Variants in PACRG observed in about 807,000 individuals in gnomAD.
The protein encoded by PACRG is parkin coregulated gene protein.
PACRG carries 29 observed loss-of-function variants against 29.7 expected under a neutral mutation model. That is an observed-to-expected ratio of 0.98 (90% CI 0.73 to 1.33). The LOEUF (loss-of-function observed/expected upper bound fraction) is 1.33. PACRG is among the 40% of genes most tolerant of loss of function. The pLI is 0.00. For synonymous variants in PACRG, 116 were observed against 118.7 expected (o/e 0.98, Z 0.15); for missense variants, 279 against 316.2 (o/e 0.88, Z 0.89).
At chr6:163,029,768 C>T (rs187874916) in intron 2 of PACRG, among the ~76,000 whole-genome samples, 48 of 152,268 alleles carry the variant, frequency 3.2e-4, no homozygotes, top group Middle Eastern at 3.4e-3. Context: ...GGGAATGTCT[C>T]GGAGCAGAGG....
intron 2 of PACRG, among the ~76,000 whole-genome samples, chr6:163,003,950 T>C (rs1804806722): frequency 6.6e-6 from 1 of 152,200 alleles, no homozygotes; most frequent in Admixed American, 6.5e-5. Context: ...CTATGCATGC[T>C]CTTTCCACTT....
At chr6:163,103,867 G>T (rs991904373) in intron 4 of PACRG, among the ~76,000 whole-genome samples, 2 of 152,166 alleles carry the variant, frequency 1.3e-5, no homozygotes, top group Non-Finnish European at 2.9e-5. Flanking sequence ...CTGAGCATTG[G>T]ATCAAATGAC....
chr6:162,957,448 G>A, intron 2 of PACRG: 1 of 505,250 alleles, frequency 2.0e-6, no homozygotes, highest in Non-Finnish European at 3.8e-6. Flanking sequence ...CACACCACAT[G>A]CAGAGTTTTG....
chr6:162,843,002 C>T (rs878871828), intron 2 of PACRG, among the ~76,000 whole-genome samples: 3 of 135,520 alleles, frequency 2.2e-5, no homozygotes, highest in African/African-American at 2.8e-5. Flanking sequence ...GAGGGTAACC[C>T]GACCTTTCTC....
chr6:162,877,543 C>T (rs532256300), intron 2 of PACRG, among the ~76,000 whole-genome samples: 1 of 150,992 alleles, frequency 6.6e-6, no homozygotes, highest in South Asian at 2.1e-4. Flanking sequence ...ATGTAACAAA[C>T]CTGCACGTTC....
In PACRG at chr6:162,963,844, C is replaced by A. The variant is rs184788193; in HGVS notation, c.292-98306C>A. On this transcript the variant is annotated intron_variant, in intron 2 of 4. Coordinates refer to ENST00000366888, the MANE Select transcript of PACRG (RefSeq NM_001080379.2). Reference sequence around the variant, plus strand: ...CCATTTTTATTTTGCTATTCTATTTCATTGCAATTGCAATATATCAGTTAG... The same window carrying A: ...CCATTTTTATTTTGCTATTCTATTTAATTGCAATTGCAATATATCAGTTAG... Among the ~76,000 whole-genome samples the A allele has an allele frequency of 1.1e-4, 16 of 152,122 alleles. No homozygotes were observed. In the East Asian group the frequency reaches 3.1e-3, roughly 29 times the overall value.
chr6:163,144,773 GA>G (rs199800335), intron 4 of PACRG, among the ~76,000 whole-genome samples: 2,138 of 150,832 alleles, frequency 0.014, 50 homozygotes, highest in Middle Eastern at 0.061. Context: ...TCTCTCAAAA[GA>G]AAAAAAAAGT....
intron 2 of PACRG, among the ~76,000 whole-genome samples, chr6:162,949,348 G>A (rs546054815): frequency 6.6e-6 from 1 of 152,278 alleles, no homozygotes; most frequent in Admixed American, 6.5e-5. Context: ...ACCAGAGACT[G>A]GGAAGGATGT....
intron 2 of PACRG, among the ~76,000 whole-genome samples, chr6:162,872,402 T>G (rs1792901483): frequency 6.6e-6 from 1 of 152,214 alleles, no homozygotes; most frequent in Admixed American, 6.5e-5. Context: ...AATGCTGTAT[T>G]ATAAACTTAC....
Position 163,248,895 on chromosome 6 carries a change from T to C in PACRG, c.614-65932T>C, listed in dbSNP as rs554052035. Among the ~76,000 whole-genome samples, 7 of 151,670 alleles carry C rather than the reference T, an allele frequency of 4.6e-5. No homozygotes were observed. The South Asian group carries it at 1.5e-3, about 32-fold the overall frequency. On this transcript the variant is annotated intron_variant, in intron 4 of 4. Transcript: ENST00000366888. ...AGCTGGGCATGGTGGCAGGCGTCTGTTGGGACACTACTCGGGAGGCTGAGG... is the reference window on the plus strand; with the variant it reads ...AGCTGGGCATGGTGGCAGGCGTCTGCTGGGACACTACTCGGGAGGCTGAGG...
chr6:163,258,798 A>G (rs1783215992), intron 4 of PACRG, among the ~76,000 whole-genome samples: 1 of 152,060 alleles, frequency 6.6e-6, no homozygotes, highest in Non-Finnish European at 1.5e-5. Flanking sequence ...TAATGTTCGT[A>G]AGAACTATGA....
At chr6:163,281,290 A>T (rs1358998458) in intron 4 of PACRG, among the ~76,000 whole-genome samples, 2 of 152,148 alleles carry the variant, frequency 1.3e-5, no homozygotes. Flanking sequence ...CACCCTCAGG[A>T]GTGAGGAAGA....
intron 4 of PACRG, among the ~76,000 whole-genome samples, chr6:163,099,654 G>A (rs1443944205): frequency 6.6e-6 from 1 of 152,092 alleles, no homozygotes; most frequent in African/African-American, 2.4e-5. Flanking sequence ...ACTTTTTAAA[G>A]GTCTCTTTGT....
At chr6:162,910,899 T>C (rs1428695114) in intron 2 of PACRG, among the ~76,000 whole-genome samples, 2 of 152,256 alleles carry the variant, frequency 1.3e-5, no homozygotes, top group South Asian at 2.1e-4. Context: ...CTTTCTCACC[T>C]TCCGGCTCTC....
intron 4 of PACRG, among the ~76,000 whole-genome samples, chr6:163,255,706 A>AG (rs1007893536): frequency 6.6e-6 from 1 of 152,046 alleles, no homozygotes; most frequent in Non-Finnish European, 1.5e-5. Context: ...GCATGATCTC[A>AG]GCTCACTGTA....
At chr6:163,244,779 C>G (rs1010339048) in intron 4 of PACRG, among the ~76,000 whole-genome samples, 28 of 152,172 alleles carry the variant, frequency 1.8e-4, no homozygotes, top group African/African-American at 6.8e-4. Context: ...GTGAGCAGTA[C>G]TAAAATGAAA....
intron 2 of PACRG, among the ~76,000 whole-genome samples, chr6:162,851,320 C>A (rs747998309): frequency 2.0e-5 from 3 of 152,166 alleles, no homozygotes; most frequent in Non-Finnish European, 4.4e-5. Context: ...GTCTCTTCAC[C>A]CACACTATGA....
In PACRG at chr6:163,208,419, TA is replaced by T. The variant is rs945505339; in HGVS notation, c.614-106398del. On this transcript the variant is annotated intron_variant, in intron 4 of 4. Transcript: ENST00000366888. ...AATCTAAGCTACATTTTACTTTTTT[TA>T]AAAAAAAAAGATTGTCAGGTTATCA... Among the ~76,000 whole-genome samples, 137 of 149,794 alleles carry T rather than the reference TA, an allele frequency of 9.1e-4. No individual in the cohort carries two copies. The Middle Eastern group carries it at 0.017, about 19-fold the overall frequency.
At chr6:163,293,641 C>T (rs555852828) in intron 4 of PACRG, among the ~76,000 whole-genome samples, 2 of 152,050 alleles carry the variant, frequency 1.3e-5, no homozygotes, top group African/African-American at 2.4e-5. Context: ...CATAAAGAAT[C>T]GGGGAATTAA....
Sources: allele counts gnomAD v4.1 joint callset (sites outside exome capture counted in the v4.1 genomes callset), GRCh38; gene constraint gnomAD v4.1.1; transcripts MANE v1.5; gene names NCBI Gene and HGNC (gene_info 2026-07-23, HGNC 2026-07-21).